Variants in GABRB1 observed in about 807,000 individuals in gnomAD.
The protein encoded by GABRB1 is gamma-aminobutyric acid receptor subunit beta-1.
In GABRB1, 17 loss-of-function variants were observed where a neutral mutation model predicts 51.6. The observed-to-expected ratio is 0.33, with a 90% CI of 0.23 to 0.49. The LOEUF is 0.49. Among genes scored for constraint, GABRB1 ranks in the 20% least tolerant of loss-of-function variants. The pLI is 0.99. For missense variants in GABRB1, 410 were observed against 600.6 expected, an observed-to-expected ratio of 0.68 and a Z score of 3.32; for synonymous variants, 247 against 218.9, an observed-to-expected ratio of 1.13 and a Z score of -1.14.
chr4:47,383,527 A>G (rs558094105), intron 5 of GABRB1, among the ~76,000 whole-genome samples: 54 of 152,312 alleles, frequency 3.5e-4, no homozygotes, highest in Non-Finnish European at 6.5e-4. Context: ...TAAGTTAATA[A>G]AAATGAAAAT....
chr4:47,282,477 T>TACATAACTAGTTGTAGTAGC (rs1203486934), intron 4 of GABRB1, among the ~76,000 whole-genome samples: 1 of 152,134 alleles, frequency 6.6e-6, no homozygotes, highest in East Asian at 1.9e-4. Context: ...ATCACAACCA[T>TACATAACTAGTTGTAGTAGC]ACATAACTAG....
chr4:47,019,623 C>CTG (rs1724853312), intron 1 of GABRB1, among the ~76,000 whole-genome samples: 25 of 96,396 alleles, frequency 2.6e-4, no homozygotes, highest in Admixed American at 2.5e-3. Context: ...CTTTCTTTCT[C>CTG]TCTCTTTCTT....
chr4:47,263,795 G>C (rs1722544809), intron 4 of GABRB1, among the ~76,000 whole-genome samples: 2 of 152,068 alleles, frequency 1.3e-5, no homozygotes, highest in African/African-American at 4.8e-5. Context: ...TATACAAATA[G>C]ATAGTGGTAA....
intron 8 of GABRB1, among the ~76,000 whole-genome samples, chr4:47,423,702 A>T (rs1450025116): frequency 6.6e-6 from 1 of 152,224 alleles, no homozygotes; most frequent in Non-Finnish European, 1.5e-5. Flanking sequence ...TACAAAGAGG[A>T]GAGAAAATAA....
chr4:47,288,269 A>G (rs965292973), intron 4 of GABRB1, among the ~76,000 whole-genome samples: 8 of 143,208 alleles, frequency 5.6e-5, no homozygotes, highest in South Asian at 2.3e-4. Flanking sequence ...TATTATTATT[A>G]TTGTTATTAT....
intron 5 of GABRB1, among the ~76,000 whole-genome samples, chr4:47,345,500 G>A (rs905119445): frequency 2.0e-5 from 3 of 152,174 alleles, no homozygotes; most frequent in Non-Finnish European, 4.4e-5. Context: ...AGTTGAAAGT[G>A]CCTTCCAGGT....
chr4:47,032,925 A>G, intron 3 of GABRB1: 1 of 344,530 alleles, frequency 2.9e-6, no homozygotes, highest in Non-Finnish European at 5.8e-6. Context: ...GCGAGCCCGG[A>G]TGCACCAAGG....
chr4:47,160,969 T>G (rs111628183), intron 3 of GABRB1, among the ~76,000 whole-genome samples: 3 of 151,832 alleles, frequency 2.0e-5, no homozygotes, highest in Admixed American at 1.3e-4. Context: ...AAAAAATTAT[T>G]TTTTGTAGAG....
intron 5 of GABRB1, among the ~76,000 whole-genome samples, chr4:47,341,031 T>C (rs1560341429): frequency 6.6e-6 from 1 of 152,132 alleles, no homozygotes; most frequent in Non-Finnish European, 1.5e-5. Flanking sequence ...TCAAACCATG[T>C]AGTCAGTAAA....
intron 4 of GABRB1, among the ~76,000 whole-genome samples, chr4:47,274,530 C>CAT (rs1378473762): frequency 1.1e-4 from 17 of 152,070 alleles, no homozygotes; most frequent in Admixed American, 6.6e-5. Context: ...AAGACTGTTC[C>CAT]AGATATTCCA....
chr4:47,118,924 G>A (rs981066911), intron 3 of GABRB1, among the ~76,000 whole-genome samples: 8 of 152,036 alleles, frequency 5.3e-5, no homozygotes, highest in African/African-American at 1.4e-4. Context: ...GGAAAAGAGA[G>A]GGTTAATTAA....
chr4:47,013,807 G>C (rs1190249973), intron 1 of GABRB1, among the ~76,000 whole-genome samples: 1 of 152,054 alleles, frequency 6.6e-6, no homozygotes, highest in Non-Finnish European at 1.5e-5. Flanking sequence ...ATAGTGTCTT[G>C]GAGTGAAACT....
intron 1 of GABRB1, among the ~76,000 whole-genome samples, chr4:46,996,998 A>G (rs926524087): frequency 2.6e-5 from 4 of 152,184 alleles, no homozygotes; most frequent in African/African-American, 7.2e-5. Context: ...CCAAGAATTT[A>G]GAAGCTATTG....
At chr4:47,059,185 A>G (rs1726744059) in intron 3 of GABRB1, among the ~76,000 whole-genome samples, 1 of 152,228 alleles carries the variant, frequency 6.6e-6, no homozygotes, top group Non-Finnish European at 1.5e-5. Flanking sequence ...CAAGACTACT[A>G]CAAATAAGAA....
intron 5 of GABRB1, among the ~76,000 whole-genome samples, chr4:47,343,235 G>A (rs1301755290): frequency 1.3e-5 from 2 of 152,062 alleles, no homozygotes; most frequent in Non-Finnish European, 2.9e-5. Context: ...GGAGGAAATG[G>A]GACTTGAACT....
At chr4:47,267,950 A>C (rs1255227227) in intron 4 of GABRB1, among the ~76,000 whole-genome samples, 1 of 152,204 alleles carries the variant, frequency 6.6e-6, no homozygotes. Context: ...CATCACTATG[A>C]AATTAGCACC....
chr4:47,002,413 A>G (rs1217267687), intron 1 of GABRB1, among the ~76,000 whole-genome samples: 2 of 152,186 alleles, frequency 1.3e-5, no homozygotes, highest in Non-Finnish European at 2.9e-5. Flanking sequence ...TGGTGATATG[A>G]AGGAATTCCT....
chr4:47,182,135 G>A (rs1718976440), intron 4 of GABRB1, among the ~76,000 whole-genome samples: 1 of 112,022 alleles, frequency 8.9e-6, no homozygotes, highest in South Asian at 3.4e-4. Flanking sequence ...GTACCCAAAA[G>A]TGGGTGACCT....
At chr4:47,366,722 G>A (rs1726997764) in intron 5 of GABRB1, among the ~76,000 whole-genome samples, 1 of 152,148 alleles carries the variant, frequency 6.6e-6, no homozygotes, top group South Asian at 2.1e-4. Flanking sequence ...TGTGGCAGAG[G>A]TAGACTTTTT....
Sources: allele counts gnomAD v4.1 joint callset (sites outside exome capture counted in the v4.1 genomes callset), GRCh38; gene constraint gnomAD v4.1.1; transcripts MANE v1.5; gene names NCBI Gene and HGNC (gene_info 2026-07-23, HGNC 2026-07-21).